COL5A2: variants seen among roughly 807,000 people sequenced by gnomAD.
COL5A2 encodes the protein collagen type V alpha 2 chain, also known as collagen alpha-2(V) chain.
In COL5A2, 23 loss-of-function variants were observed where a neutral mutation model predicts 208.2. The ratio of observed to expected loss-of-function variants is 0.11; its 90% CI spans 0.08 to 0.16. The LOEUF is 0.16. Ranked by LOEUF, COL5A2 falls within the 10% of genes least tolerant of loss-of-function variation. The pLI is 1.00. For synonymous variants in COL5A2, 625 were observed against 628.5 expected, an observed-to-expected ratio of 0.99 and a Z score of 0.08; for missense variants, 1,590 against 1,956.4, an observed-to-expected ratio of 0.81 and a Z score of 3.53.
chr2:189,293,631 C>T, the COL5A2 span, among the ~76,000 whole-genome samples: 1 of 152,156 alleles, frequency 6.6e-6, no homozygotes, highest in East Asian at 1.9e-4. Context: ...TAAAAGAGAC[C>T]CCAGAGAGCT....
the COL5A2 span, among the ~76,000 whole-genome samples, chr2:189,261,452 C>T: frequency 6.6e-5 from 10 of 152,082 alleles, no homozygotes; most frequent in African/African-American, 2.4e-4. Flanking sequence ...CCAGGAAAAC[C>T]TCCAAAGAAT....
the COL5A2 span, among the ~76,000 whole-genome samples, chr2:189,293,589 C>T: frequency 2.6e-5 from 4 of 152,168 alleles, no homozygotes; most frequent in South Asian, 4.2e-4. Context: ...GTCGTGAAGG[C>T]GAAGCCCTCA....
At chr2:189,212,247 A>T (rs1357384935) in intron 1 of COL5A2, among the ~76,000 whole-genome samples, 1 of 152,172 alleles carries the variant, frequency 6.6e-6, no homozygotes, top group African/African-American at 2.4e-5. Context: ...TTGAGATGCT[A>T]CCGAGCTTAC....
chr2:189,361,677 ATTCT>A, the COL5A2 span, among the ~76,000 whole-genome samples: 270 of 151,360 alleles, frequency 1.8e-3, no homozygotes, highest in African/African-American at 6.0e-3. Context: ...TGTTTTATAG[ATTCT>A]TTCTTTCTCT....
intron 1 of COL5A2, among the ~76,000 whole-genome samples, chr2:189,111,007 T>C (rs900324912): frequency 2.0e-5 from 3 of 151,934 alleles, no homozygotes; most frequent in African/African-American, 7.3e-5. Context: ...CCATGTCCCA[T>C]TTCATGGAGT....
At chr2:189,352,850 T>C in the COL5A2 span, among the ~76,000 whole-genome samples, 1 of 152,342 alleles carries the variant, frequency 6.6e-6, no homozygotes, top group Admixed American at 6.5e-5. Flanking sequence ...GTTTTAGTCA[T>C]GAAGTCTTTG....
chr2:189,290,244 T>A, the COL5A2 span, among the ~76,000 whole-genome samples: 1 of 152,200 alleles, frequency 6.6e-6, no homozygotes, highest in East Asian at 1.9e-4. Context: ...TAGGTTTGTG[T>A]AAGCACACGC....
chr2:189,171,375 T>C (rs914865151), intron 1 of COL5A2, among the ~76,000 whole-genome samples: 1 of 152,128 alleles, frequency 6.6e-6, no homozygotes, highest in Non-Finnish European at 1.5e-5. Context: ...TATGTGTTTG[T>C]TGGAAAGCAG....
chr2:189,160,071 T>C (rs1221269105), intron 1 of COL5A2, among the ~76,000 whole-genome samples: 2 of 152,034 alleles, frequency 1.3e-5, no homozygotes, highest in African/African-American at 4.8e-5. Context: ...AAAATTGCCA[T>C]CCTCCCTTTT....
At chr2:189,356,917 T>C in the COL5A2 span, among the ~76,000 whole-genome samples, 1 of 152,210 alleles carries the variant, frequency 6.6e-6, no homozygotes, top group Non-Finnish European at 1.5e-5. Flanking sequence ...AGATGGGGCC[T>C]CTGAGTGGAT....
At chr2:189,071,995 TA>T in intron 18 of COL5A2, 44 bp downstream of exon 18, 1 of 1,260,550 alleles carries the variant, frequency 7.9e-7, no homozygotes, top group Non-Finnish European at 1.1e-6. Flanking sequence ...GGGACTCATG[TA>T]ATCATGTAGC....
chr2:189,143,952 A>G (rs191872166), intron 1 of COL5A2, among the ~76,000 whole-genome samples: 1 of 152,310 alleles, frequency 6.6e-6, no homozygotes, highest in African/African-American at 2.4e-5. Flanking sequence ...TTAAAGAACT[A>G]GACATGGTAA....
chr2:189,072,184 GAC>G, intron 17 of COL5A2, 91 bp from the exon 18 acceptor site: 1 of 832,472 alleles, frequency 1.2e-6, no homozygotes, highest in Non-Finnish European at 2.0e-6. Flanking sequence ...TTTTGTATTA[GAC>G]ACATAAGAAT....
At chr2:189,406,009 G>A in the COL5A2 span, among the ~76,000 whole-genome samples, 1 of 152,090 alleles carries the variant, frequency 6.6e-6, no homozygotes, top group Non-Finnish European at 1.5e-5. Context: ...ACCACTTCAT[G>A]GAGTGATTAA....
At chr2:189,318,911 C>A in the COL5A2 span, among the ~76,000 whole-genome samples, 2 of 152,286 alleles carry the variant, frequency 1.3e-5, no homozygotes, top group South Asian at 4.1e-4. Context: ...TCCAAATGGA[C>A]ACCCTGCATC....
the COL5A2 span, among the ~76,000 whole-genome samples, chr2:189,326,434 C>A: frequency 2.0e-4 from 31 of 152,212 alleles, no homozygotes; most frequent in African/African-American, 6.5e-4. Flanking sequence ...ATGGTTCACA[C>A]TTGTAATCCC....
At chr2:189,368,847 T>C in the COL5A2 span, among the ~76,000 whole-genome samples, 2 of 152,186 alleles carry the variant, frequency 1.3e-5, no homozygotes, top group East Asian at 3.8e-4. Context: ...AGTTGAACCA[T>C]GTACTATATA....
chr2:189,146,702 G>A (rs368389795), intron 1 of COL5A2, among the ~76,000 whole-genome samples: 3 of 152,214 alleles, frequency 2.0e-5, no homozygotes, highest in African/African-American at 7.2e-5. Context: ...GGGACGTCTG[G>A]AGACTATTTT....
the COL5A2 span, among the ~76,000 whole-genome samples, chr2:189,439,500 G>A: frequency 1.1e-3 from 169 of 152,266 alleles, no homozygotes; most frequent in African/African-American, 3.7e-3. Context: ...ATAACACAAA[G>A]AACAAAGTAG....
Sources: gnomAD v4.1 joint callset for allele counts (sites outside exome capture counted in the v4.1 genomes callset) on GRCh38, gnomAD v4.1.1 for gene constraint, MANE v1.5 for transcripts, NCBI Gene and HGNC (gene_info 2026-07-23, HGNC 2026-07-21) for gene names.